XKR6: variants seen among roughly 807,000 people sequenced by gnomAD.
The protein encoded by XKR6 is XK related 6, also known as XK-related protein 6.
Under a neutral mutation model 56.7 loss-of-function variants are expected in XKR6, and 22 were observed. The ratio of observed to expected loss-of-function variants is 0.39; its 90% CI spans 0.28 to 0.55. XKR6 has a LOEUF of 0.55. XKR6 is among the 20% of genes least tolerant of loss of function. The probability of loss-of-function intolerance (pLI) is 0.66; values close to 1 mark genes in which losing one functional copy is unlikely to be tolerated. For missense variants in XKR6, 852 were observed against 889.0 expected (o/e 0.96, Z 0.53); for synonymous variants, 524 against 387.8 (o/e 1.35, Z -4.13).
intron 1 of XKR6, among the ~76,000 whole-genome samples, chr8:11,097,421 T>C (rs1269723525): frequency 6.6e-6 from 1 of 151,892 alleles, no homozygotes; most frequent in Non-Finnish European, 1.5e-5. Flanking sequence ...CATTTTCTTA[T>C]GTGTAAAAGT....
chr8:10,908,247 G>A (rs1403010196), intron 2 of XKR6, among the ~76,000 whole-genome samples: 1 of 152,160 alleles, frequency 6.6e-6, no homozygotes, highest in Non-Finnish European at 1.5e-5. Context: ...AATCGAAAAT[G>A]CTCAAGGCCA....
At chr8:10,983,494 C>A (rs1586390084) in intron 1 of XKR6, among the ~76,000 whole-genome samples, 1 of 152,002 alleles carries the variant, frequency 6.6e-6, no homozygotes, top group African/African-American at 2.4e-5. Context: ...GTAAAGAGAA[C>A]AATTATCACA....
At chr8:11,197,402 A>C (rs756115940) in intron 1 of XKR6, among the ~76,000 whole-genome samples, 8 of 152,212 alleles carry the variant, frequency 5.3e-5, no homozygotes, top group Non-Finnish European at 5.9e-5. Flanking sequence ...GCATACATCA[A>C]TGCAACAGGC....
rs1800832136 is a variant in XKR6 at position 10,924,845 on chromosome 8, G to A, written c.765-15C>T. On this transcript the variant is annotated splice_polypyrimidine_tract_variant and intron_variant, in intron 1 of 2. Transcript: ENST00000416569. The stretch of plus-strand genomic sequence containing the variant: ...TGCGGATATACCTGCCCAGAGAGAT[G>A]GGGAGAACACAGAGAGCATGGGTGG... The A allele has an allele frequency of 1.2e-6, 2 of 1,607,888 alleles. No homozygotes were observed. The highest frequency in any genetic ancestry group is 8.5e-7 in the Non-Finnish European group (1 of 1,176,218).
rs371637447 is a variant in XKR6 at position 11,051,417 on chromosome 8, G to T, written c.765-126587C>A. ...CTCCAAGCCCTACACTTCCCCAGGG[G>T]TGTTTCACAGGCATCTCCAACTTTC... On this transcript the variant is annotated intron_variant, in intron 1 of 2. Coordinates refer to ENST00000416569, the MANE Select transcript of XKR6 (RefSeq NM_173683.4). Among the ~76,000 whole-genome samples the T allele has an allele frequency of 2.6e-5, 4 of 152,274 alleles. No homozygotes were observed. In the South Asian group the frequency reaches 8.3e-4, roughly 32 times the overall value.
chr8:11,053,602 G>C (rs1212487849), intron 1 of XKR6, among the ~76,000 whole-genome samples: 5 of 152,220 alleles, frequency 3.3e-5, no homozygotes, highest in Non-Finnish European at 7.3e-5. Flanking sequence ...CCCAGAAACA[G>C]ATGAGCTCTG....
intron 1 of XKR6, among the ~76,000 whole-genome samples, chr8:10,996,876 G>A (rs71518508): frequency 6.6e-6 from 1 of 152,178 alleles, no homozygotes; most frequent in East Asian, 1.9e-4. Flanking sequence ...GGTGAGGCAG[G>A]AGGATGGCTT....
chr8:11,160,614 AAAAATGGTTC>A (rs1303631420), intron 1 of XKR6, among the ~76,000 whole-genome samples: 1 of 152,180 alleles, frequency 6.6e-6, no homozygotes, highest in African/African-American at 2.4e-5. Flanking sequence ...TGATGCCTTA[AAAAATGGTTC>A]ACAGGCTGGG....
intron 1 of XKR6, among the ~76,000 whole-genome samples, chr8:11,082,802 A>T (rs1175170744): frequency 6.6e-6 from 1 of 152,226 alleles, no homozygotes; most frequent in Non-Finnish European, 1.5e-5. Flanking sequence ...CCTGAGCAGG[A>T]GACTGAGTGA....
intron 1 of XKR6, among the ~76,000 whole-genome samples, chr8:11,179,810 C>G (rs1187839827): frequency 6.6e-6 from 1 of 152,082 alleles, no homozygotes; most frequent in Non-Finnish European, 1.5e-5. Flanking sequence ...AGGAGTTTAC[C>G]AAGGGAGAAA....
At position 11,033,343 on chromosome 8, in the gene XKR6, GTGA is replaced by G. The variant is rs879331144; in HGVS notation, c.765-108516_765-108514del. 4.5e-3 allele frequency among the ~76,000 whole-genome samples: 636 copies of G among 141,940 alleles called. 1 individual carries two copies. Among genetic ancestry groups the G allele is most frequent in the African/African-American group, 4.8e-3 (158 of 32,792 alleles). The allele number at this position is 141,940 out of a possible 152,430, so 93.1% of individuals were successfully genotyped here. A position where few individuals can be genotyped will look rare whatever the true frequency, so the allele number is the denominator to read the frequency against. ...GACGATAGTGATGGTGATGGTGGTG[GTGA>G]TGATGATGATGACGATAGTGATGGT... is the stretch of plus-strand genomic sequence containing the variant. On this transcript the variant is annotated intron_variant, in intron 1 of 2. Transcript: ENST00000416569.
At chr8:10,955,307 G>A (rs1429513571) in intron 1 of XKR6, among the ~76,000 whole-genome samples, 1 of 152,060 alleles carries the variant, frequency 6.6e-6, no homozygotes, top group Non-Finnish European at 1.5e-5. Context: ...TGAATAAGTG[G>A]GATTATAGGT....
chr8:10,994,130 C>T (rs907027523), intron 1 of XKR6, among the ~76,000 whole-genome samples: 1 of 152,218 alleles, frequency 6.6e-6, no homozygotes, highest in Non-Finnish European at 1.5e-5. Context: ...TGAAGTCCTC[C>T]CTGCAAAGAA....
At chr8:10,924,517 C>T (rs939048341) in intron 2 of XKR6, 117 bp downstream of exon 2, 5 of 1,295,002 alleles carry the variant, frequency 3.9e-6, no homozygotes, top group Non-Finnish European at 5.3e-6. Flanking sequence ...CCTGGGGACT[C>T]AGGGCAGGAT....
At chr8:11,169,489 A>ATGG (rs777225941) in intron 1 of XKR6, among the ~76,000 whole-genome samples, 27 of 152,372 alleles carry the variant, frequency 1.8e-4, no homozygotes, top group Non-Finnish European at 4.0e-4. Context: ...ATGTTAGACC[A>ATGG]TGGACACCTT....
At chr8:10,970,280 G>C (rs1586371618) in intron 1 of XKR6, among the ~76,000 whole-genome samples, 2 of 152,180 alleles carry the variant, frequency 1.3e-5, no homozygotes, top group African/African-American at 2.4e-5. Context: ...CAGAGTGGTG[G>C]CCTAGGGGAT....
At chr8:11,183,127 A>C (rs1803083960) in intron 1 of XKR6, among the ~76,000 whole-genome samples, 1 of 152,106 alleles carries the variant, frequency 6.6e-6, no homozygotes, top group Admixed American at 6.6e-5. Flanking sequence ...ATGAAGGCTT[A>C]GGTTGCTTCC....
At chr8:10,989,266 T>C (rs562365368) in intron 1 of XKR6, among the ~76,000 whole-genome samples, 1 of 152,350 alleles carries the variant, frequency 6.6e-6, no homozygotes, top group East Asian at 1.9e-4. Context: ...AAATGAAGGC[T>C]GACAGAATTT....
At chr8:11,015,688 C>G (rs1798603129) in intron 1 of XKR6, among the ~76,000 whole-genome samples, 1 of 152,088 alleles carries the variant, frequency 6.6e-6, no homozygotes, top group Admixed American at 6.5e-5. Context: ...TGGTTGAGCT[C>G]AGAACCAGAA....
Sources: gnomAD v4.1 joint callset for allele counts (sites outside exome capture counted in the v4.1 genomes callset) on GRCh38, gnomAD v4.1.1 for gene constraint, MANE v1.5 for transcripts, NCBI Gene and HGNC (gene_info 2026-07-23, HGNC 2026-07-21) for gene names.